Variants in FAT3 observed in about 807,000 individuals in gnomAD.
FAT3 encodes the protein protocadherin Fat 3.
In FAT3, 95 loss-of-function variants were observed where a neutral mutation model predicts 310.2. That is an observed-to-expected ratio of 0.31 (90% CI 0.26 to 0.36). FAT3 has a LOEUF of 0.36. Ranked by LOEUF, FAT3 falls within the 10% of genes least tolerant of loss-of-function variation. The pLI, the probability that FAT3 is intolerant of heterozygous loss-of-function variation, is 1.00. For missense variants in FAT3, 5,408 were observed against 5,715.6 expected (o/e 0.95, Z 1.74); for synonymous variants, 2,314 against 2,192.9 (o/e 1.06, Z -1.54).
Position 92,801,408 on chromosome 11 carries a change from G to T in FAT3, c.8395G>T (p.Asp2799Tyr). Residue 2799 changes from aspartate to tyrosine, a missense_variant, in exon 10 of 28, where the codon GAT becomes TAT. Physicochemically the swap from Asp to Tyr is radical, Grantham distance 160 (BLOSUM62 -3). Around this residue, in one of 5 missense-constraint regions of FAT3, gnomAD observed 4,588 missense variants for 4,809.8 expected, o/e 0.95. Transcript: ENST00000525166. ...LDKVDIVFTVDVDIKVLDLND... is the reference protein window; with the variant it reads ...LDKVDIVFTVYVDIKVLDLND... Reference sequence around the variant, plus strand: ...CAAAGTAGACATTGTGTTTACTGTGGATGTAGATATCAAGGTATTGGATTT... The same window carrying T: ...CAAAGTAGACATTGTGTTTACTGTGTATGTAGATATCAAGGTATTGGATTT... 2 of 1,613,944 alleles carry T rather than the reference G, an allele frequency of 1.2e-6. No homozygotes were observed. Among genetic ancestry groups the T allele is most frequent in the Non-Finnish European group, 8.5e-7 (1 of 1,179,878 alleles).
At chr11:92,789,648 G>T (rs1418161463) in intron 7 of FAT3, among the ~76,000 whole-genome samples, 1 of 152,134 alleles carries the variant, frequency 6.6e-6, no homozygotes, top group Non-Finnish European at 1.5e-5. Context: ...CATATACATT[G>T]TGCATCAAAG....
intron 3 of FAT3, among the ~76,000 whole-genome samples, chr11:92,629,175 C>A (rs1941453935): frequency 1.3e-5 from 2 of 152,152 alleles, no homozygotes; most frequent in South Asian, 4.1e-4. Flanking sequence ...TCTTTCCCTG[C>A]AAGTTGATCA....
At chr11:92,657,653 T>C (rs1390724796) in intron 3 of FAT3, among the ~76,000 whole-genome samples, 1 of 152,232 alleles carries the variant, frequency 6.6e-6, no homozygotes, top group Non-Finnish European at 1.5e-5. Context: ...ACTAGGAATA[T>C]TTATCAAATT....
intron 4 of FAT3, among the ~76,000 whole-genome samples, chr11:92,719,657 T>C (rs1944802530): frequency 6.6e-6 from 1 of 151,964 alleles, no homozygotes; most frequent in Non-Finnish European, 1.5e-5. Flanking sequence ...CTTCTCCAAA[T>C]ATTTTTTATC....
rs11020061 is a variant in FAT3, at chr11:92,806,667, G to T, written c.9247+152G>T. Among the ~76,000 whole-genome samples, 137 of 152,264 alleles carry T rather than the reference G, an allele frequency of 9.0e-4. 1 individual carries two copies. In the East Asian group the frequency reaches 0.018, roughly 20 times the overall value. On this transcript the variant is annotated intron_variant, in intron 12 of 27. Coordinates refer to ENST00000525166, the MANE Select transcript of FAT3 (RefSeq NM_001367949.2). ...TCCCTTCCATCCTTTCTGAATGTTT[G>T]CTGAAATGAACTGACCACAGACAGA...
At chr11:92,568,139 C>T (rs979765383) in intron 3 of FAT3, among the ~76,000 whole-genome samples, 3 of 152,028 alleles carry the variant, frequency 2.0e-5, no homozygotes, top group Non-Finnish European at 4.4e-5. Flanking sequence ...TGAGAATATA[C>T]CAAGGAACAA....
intron 3 of FAT3, among the ~76,000 whole-genome samples, chr11:92,562,993 T>A (rs1955288816): frequency 6.6e-6 from 1 of 152,212 alleles, no homozygotes; most frequent in South Asian, 2.1e-4. Context: ...CTCAAGTTGA[T>A]GCATAAAATT....
intron 1 of FAT3, among the ~76,000 whole-genome samples, chr11:92,349,937 C>T (rs1220415777): frequency 1.3e-5 from 2 of 150,906 alleles, no homozygotes; most frequent in African/African-American, 2.4e-5. Context: ...CATTTGCATG[C>T]TCAGGGTTTC....
At chr11:92,857,498 C>G (rs1210925693) in intron 20 of FAT3, 150 bp downstream of exon 20, 3 of 1,059,222 alleles carry the variant, frequency 2.8e-6, no homozygotes, top group Non-Finnish European at 4.0e-6. Flanking sequence ...AACATCCACA[C>G]TCACATTTAC....
At chr11:92,839,160 A>G (rs1026791545) in intron 17 of FAT3, among the ~76,000 whole-genome samples, 10 of 152,186 alleles carry the variant, frequency 6.6e-5, no homozygotes, top group African/African-American at 2.4e-4. Context: ...AGCTTGACAG[A>G]CTGTTTTCAA....
chr11:92,605,882 C>T (rs1057333654), intron 3 of FAT3, among the ~76,000 whole-genome samples: 1 of 152,008 alleles, frequency 6.6e-6, no homozygotes, highest in East Asian at 1.9e-4. Flanking sequence ...GCGAGGGCCC[C>T]TTTGCCAGAT....
chr11:92,851,639 C>T (rs537360629), intron 19 of FAT3, among the ~76,000 whole-genome samples: 24 of 152,092 alleles, frequency 1.6e-4, no homozygotes, highest in Non-Finnish European at 2.9e-4. Flanking sequence ...CCTGACATAC[C>T]ATAAATGGCG....
chr11:92,750,709 A>G (rs903720558), intron 4 of FAT3, among the ~76,000 whole-genome samples: 2 of 152,112 alleles, frequency 1.3e-5, no homozygotes, highest in African/African-American at 2.4e-5. Flanking sequence ...GCTTGGTAGC[A>G]TGGAACGTTA....
At chr11:92,611,960 A>G (rs555402475) in intron 3 of FAT3, among the ~76,000 whole-genome samples, 21 of 152,328 alleles carry the variant, frequency 1.4e-4, no homozygotes, top group African/African-American at 4.3e-4. Flanking sequence ...TGACCTTCCA[A>G]ATGAGGGGAG....
At chr11:92,333,008 C>G (rs1188104406) in intron 1 of FAT3, among the ~76,000 whole-genome samples, 3 of 152,130 alleles carry the variant, frequency 2.0e-5, no homozygotes, top group African/African-American at 7.2e-5. Flanking sequence ...TACTTAACAA[C>G]AGTGGGGTTT....
chr11:92,854,689 A>G (rs1948924349), intron 19 of FAT3, among the ~76,000 whole-genome samples: 1 of 152,238 alleles, frequency 6.6e-6, no homozygotes, highest in Admixed American at 6.5e-5. Flanking sequence ...CTATAGGGAT[A>G]AATATCTTTG....
chr11:92,606,127 T>C (rs1007271943), intron 3 of FAT3, among the ~76,000 whole-genome samples: 2 of 152,206 alleles, frequency 1.3e-5, no homozygotes, highest in Non-Finnish European at 2.9e-5. Context: ...TCCTGATTTA[T>C]ATTATACTAT....
chr11:92,420,470 T>C (rs533177792), intron 2 of FAT3, among the ~76,000 whole-genome samples: 57 of 152,256 alleles, frequency 3.7e-4, no homozygotes, highest in South Asian at 1.0e-3. Context: ...CCTCTTCTTG[T>C]CTCCCACTCA....
At chr11:92,881,024 T>A in intron 23 of FAT3, 140 bp downstream of exon 23, 1 of 863,858 alleles carries the variant, frequency 1.2e-6, no homozygotes, top group Non-Finnish European at 1.8e-6. Context: ...GTATAAGGAG[T>A]GCTTACAGGT....
Sources: gnomAD v4.1 joint callset for allele counts (sites outside exome capture counted in the v4.1 genomes callset) on GRCh38, gnomAD v4.1.1 for gene constraint, gnomAD v4.1.1 regional missense constraint, MANE v1.5 for transcripts, NCBI Gene and HGNC (gene_info 2026-07-23, HGNC 2026-07-21) for gene names.